Variants in PRKG1 observed in about 807,000 individuals in gnomAD.
PRKG1 encodes cGMP-dependent protein kinase 1.
Under a neutral mutation model 88.1 loss-of-function variants are expected in PRKG1, and 35 were observed. The observed-to-expected ratio is 0.40, with a 90% confidence interval of 0.30 to 0.53. The LOEUF (loss-of-function observed/expected upper bound fraction) is 0.53, where lower values mean the gene tolerates loss of function less well. PRKG1 is among the 20% of genes least tolerant of loss of function. The pLI is 0.59. For missense variants in PRKG1, 540 were observed against 839.8 expected (o/e 0.64, Z 4.41); for synonymous variants, 303 against 292.5 (o/e 1.04, Z -0.37).
At chr10:51,711,518 T>C (rs1038577747) in intron 3 of PRKG1, among the ~76,000 whole-genome samples, 3 of 152,202 alleles carry the variant, frequency 2.0e-5, no homozygotes, top group Admixed American at 6.5e-5. Context: ...AAAATATAAG[T>C]GTGTATGCTT....
At chr10:51,757,372 G>A (rs1199394030) in intron 3 of PRKG1, among the ~76,000 whole-genome samples, 6 of 152,032 alleles carry the variant, frequency 3.9e-5, no homozygotes, top group Non-Finnish European at 1.5e-5. Flanking sequence ...CCAAAGTGCT[G>A]GGGTTACAGG....
chr10:51,377,716 T>G (rs994733903), intron 2 of PRKG1, among the ~76,000 whole-genome samples: 1 of 152,216 alleles, frequency 6.6e-6, no homozygotes, highest in African/African-American at 2.4e-5. Context: ...AACCTGGCTA[T>G]TTTGCTTATG....
intron 7 of PRKG1, among the ~76,000 whole-genome samples, chr10:52,122,632 C>T (rs185738092): frequency 6.6e-6 from 1 of 152,240 alleles, no homozygotes; most frequent in Non-Finnish European, 1.5e-5. Flanking sequence ...TGTAAATTCT[C>T]CCTGGGGTGA....
chr10:51,908,747 T>C (rs1362772022), intron 5 of PRKG1: 2 of 30,176 alleles, frequency 6.6e-5, no homozygotes, highest in African/African-American at 2.5e-4. Context: ...TTTTTTTTTT[T>C]GAGACAGTGT....
chr10:51,646,979 A>C (rs1839929272), intron 3 of PRKG1, among the ~76,000 whole-genome samples: 1 of 152,140 alleles, frequency 6.6e-6, no homozygotes, highest in East Asian at 1.9e-4. Context: ...AAGAAAAATA[A>C]ATTAAAAACT....
intron 2 of PRKG1, among the ~76,000 whole-genome samples, chr10:51,226,021 C>A (rs769632838): frequency 6.6e-6 from 1 of 151,974 alleles, no homozygotes; most frequent in South Asian, 2.1e-4. Flanking sequence ...CTGGGCAACA[C>A]GGTGAAACAC....
intron 9 of PRKG1, 134 bp from the exon 10 acceptor site, chr10:52,251,436 A>G: frequency 5.9e-6 from 4 of 680,140 alleles, no homozygotes; most frequent in Non-Finnish European, 9.9e-6. Context: ...GTGAGAAAAC[A>G]CAAACTCTAA....
At chr10:51,628,229 G>A (rs1263030883) in intron 3 of PRKG1, among the ~76,000 whole-genome samples, 2 of 145,984 alleles carry the variant, frequency 1.4e-5, no homozygotes, top group Non-Finnish European at 1.5e-5. Flanking sequence ...AAGTGCAGTG[G>A]CACAAACTTG....
chr10:51,988,847 G>T (rs1753041072), intron 5 of PRKG1, among the ~76,000 whole-genome samples: 1 of 151,788 alleles, frequency 6.6e-6, no homozygotes, highest in African/African-American at 2.4e-5. Context: ...GCTTTCTATA[G>T]AAGTTTTTAA....
At chr10:51,092,220 A>C (rs1288563337) in intron 1 of PRKG1, among the ~76,000 whole-genome samples, 1 of 152,210 alleles carries the variant, frequency 6.6e-6, no homozygotes, top group South Asian at 2.1e-4. Flanking sequence ...GGAATGGACA[A>C]GCATACATGA....
At chr10:51,624,171 G>C (rs953826464) in intron 3 of PRKG1, among the ~76,000 whole-genome samples, 1 of 152,086 alleles carries the variant, frequency 6.6e-6, no homozygotes. Context: ...GCTGTATTCT[G>C]TCATGAGAGA....
At chr10:52,181,597 C>A (rs1347964035) in intron 9 of PRKG1, among the ~76,000 whole-genome samples, 2 of 84,628 alleles carry the variant, frequency 2.4e-5, no homozygotes, top group African/African-American at 9.3e-5. Flanking sequence ...CCCGACCCCA[C>A]CACAGTCCCC....
chr10:51,531,637 C>CT (rs34091409), intron 3 of PRKG1, among the ~76,000 whole-genome samples: 4,995 of 67,844 alleles, frequency 0.074, 1,172 homozygotes, highest in South Asian at 0.12. Context: ...AAAAAGAATT[C>CT]TTTTTTTTTT....
At chr10:51,483,018 T>C (rs1840413609) in intron 3 of PRKG1, among the ~76,000 whole-genome samples, 1 of 147,446 alleles carries the variant, frequency 6.8e-6, no homozygotes. Context: ...TCTTTTTTTT[T>C]TTTTTTTTTT....
At chr10:51,819,131 T>A (rs1438415452) in intron 4 of PRKG1, among the ~76,000 whole-genome samples, 1 of 150,442 alleles carries the variant, frequency 6.6e-6, no homozygotes, top group East Asian at 2.0e-4. Flanking sequence ...GATACCTGCA[T>A]CTGTATCTGA....
chr10:51,420,537 A>T (rs1163374943), intron 2 of PRKG1, among the ~76,000 whole-genome samples: 1 of 152,156 alleles, frequency 6.6e-6, no homozygotes. Flanking sequence ...GAAAACAGCA[A>T]ATCCAGAGGT....
chr10:52,047,171 G>A (rs961790918), intron 5 of PRKG1, among the ~76,000 whole-genome samples: 1 of 152,082 alleles, frequency 6.6e-6, no homozygotes, highest in Non-Finnish European at 1.5e-5. Flanking sequence ...TGATATCTTG[G>A]TTAATTTGTG....
intron 2 of PRKG1, among the ~76,000 whole-genome samples, chr10:51,160,584 C>T (rs1846332987): frequency 6.6e-6 from 1 of 152,100 alleles, no homozygotes; most frequent in Admixed American, 6.5e-5. Context: ...CTCTCATATC[C>T]AGGACAATTT....
At chr10:51,932,238 A>G (rs766328852) in intron 5 of PRKG1, among the ~76,000 whole-genome samples, 13 of 150,152 alleles carry the variant, frequency 8.7e-5, no homozygotes, top group Non-Finnish European at 1.6e-4. Flanking sequence ...TTCTTTAACT[A>G]TCAATAAAAT....
Sources: allele counts gnomAD v4.1 joint callset (sites outside exome capture counted in the v4.1 genomes callset), GRCh38; gene constraint gnomAD v4.1.1; transcripts MANE v1.5; gene names NCBI Gene and HGNC (gene_info 2026-07-23, HGNC 2026-07-21).